Variants in KCNJ3 observed in about 807,000 individuals in gnomAD.
KCNJ3 encodes the protein potassium inwardly rectifying channel subfamily J member 3, also known as G protein-activated inward rectifier potassium channel 1.
Under a neutral mutation model 39.2 loss-of-function variants are expected in KCNJ3, and 4 were observed. The ratio of observed to expected loss-of-function variants is 0.10; its 90% CI spans 0.05 to 0.23. The LOEUF is 0.23. KCNJ3 is among the 10% of genes least tolerant of loss of function. The pLI, the probability that KCNJ3 is intolerant of heterozygous loss-of-function variation, is 1.00. For synonymous variants in KCNJ3, 230 were observed against 237.4 expected (o/e 0.97, Z 0.29); for missense variants, 276 against 634.9 (o/e 0.43, Z 6.08).
rs74740912 is a variant in KCNJ3 at position 154,763,507 on chromosome 2, G to C, written c.919+53688G>C. On this transcript the variant is annotated intron_variant, in intron 2 of 2. Transcript: ENST00000295101. Reference sequence around the variant, plus strand: ...TGTCACCATCGACCATCTATTCCGGGGACACAGAATGTGATAGGCTTTCTT... The same window carrying C: ...TGTCACCATCGACCATCTATTCCGGCGACACAGAATGTGATAGGCTTTCTT... Among the ~76,000 whole-genome samples, 54 of 152,104 alleles carry C rather than the reference G, an allele frequency of 3.6e-4. 1 individual carries two copies. In the East Asian group the frequency reaches 9.7e-3, roughly 27 times the overall value.
chr2:154,718,055 T>C (rs961507895), intron 2 of KCNJ3, among the ~76,000 whole-genome samples: 7 of 152,222 alleles, frequency 4.6e-5, no homozygotes, highest in Admixed American at 1.3e-4. Context: ...CCCAGATTGC[T>C]GATTCCTTTT....
At chr2:154,734,271 T>G (rs1433318021) in intron 2 of KCNJ3, among the ~76,000 whole-genome samples, 1 of 152,192 alleles carries the variant, frequency 6.6e-6, no homozygotes, top group Non-Finnish European at 1.5e-5. Flanking sequence ...ATAAGCTAAC[T>G]GCATTCTGGA....
chr2:154,749,301 T>A (rs1395470147), intron 2 of KCNJ3, among the ~76,000 whole-genome samples: 1 of 152,110 alleles, frequency 6.6e-6, no homozygotes, highest in South Asian at 2.1e-4. Context: ...TATGTGTATT[T>A]ATAGCAGGCT....
chr2:154,755,330 CTT>C (rs1465670587), intron 2 of KCNJ3, among the ~76,000 whole-genome samples: 2 of 151,616 alleles, frequency 1.3e-5, no homozygotes, highest in African/African-American at 4.8e-5. Flanking sequence ...ATTAATGAGT[CTT>C]TTTTATTAAA....
Position 154,716,887 on chromosome 2 carries a change from G to A in KCNJ3, c.919+7068G>A, listed in dbSNP as rs182866169. The stretch of plus-strand genomic sequence containing the variant: ...TCTTACAGGAAATTAATCAGTAAGT[G>A]TTTGTTGATTACCCATGTTATTTTA... On this transcript the variant is annotated intron_variant, in intron 2 of 2. Coordinates refer to ENST00000295101, the MANE Select transcript of KCNJ3 (RefSeq NM_002239.4). Among the ~76,000 whole-genome samples the A allele has an allele frequency of 5.9e-5, 9 of 152,284 alleles. 1 individual carries two copies. The highest frequency in any genetic ancestry group is 5.9e-4 in the Admixed American group (9 of 15,292).
chr2:154,838,126 A>G (rs1687501521), intron 2 of KCNJ3, among the ~76,000 whole-genome samples: 1 of 152,206 alleles, frequency 6.6e-6, no homozygotes, highest in African/African-American at 2.4e-5. Context: ...GACACATTCA[A>G]AAGACAAATT....
chr2:154,796,080 A>G (rs757509288), intron 2 of KCNJ3, among the ~76,000 whole-genome samples: 5 of 152,116 alleles, frequency 3.3e-5, no homozygotes, highest in Admixed American at 1.3e-4. Context: ...AACATGAGTG[A>G]TAGATTAAAA....
intron 2 of KCNJ3, among the ~76,000 whole-genome samples, chr2:154,772,028 C>T (rs1184870429): frequency 6.6e-6 from 1 of 152,138 alleles, no homozygotes; most frequent in African/African-American, 2.4e-5. Flanking sequence ...GGACATTTAA[C>T]TTCATGTGTG....
chr2:154,768,038 A>AT (rs1293402611), intron 2 of KCNJ3, among the ~76,000 whole-genome samples: 4 of 151,538 alleles, frequency 2.6e-5, no homozygotes, highest in East Asian at 3.9e-4. Flanking sequence ...GGGTTGTTTG[A>AT]TTTTTTCTTG....
intron 2 of KCNJ3, among the ~76,000 whole-genome samples, chr2:154,761,189 CTT>C (rs566783068): frequency 2.0e-5 from 3 of 147,462 alleles, no homozygotes; most frequent in African/African-American, 7.5e-5. Flanking sequence ...TTAACTTCAT[CTT>C]TTTTTTTGTT....
intron 2 of KCNJ3, among the ~76,000 whole-genome samples, chr2:154,760,498 T>G (rs1686017778): frequency 6.6e-6 from 1 of 152,058 alleles, no homozygotes; most frequent in South Asian, 2.1e-4. Flanking sequence ...CTTAATTACT[T>G]TGAGCAAATT....
At chr2:154,717,579 G>A (rs926406807) in intron 2 of KCNJ3, among the ~76,000 whole-genome samples, 1 of 152,060 alleles carries the variant, frequency 6.6e-6, no homozygotes, top group African/African-American at 2.4e-5. Flanking sequence ...AAATGGCCCA[G>A]GATTCTTCCT....
chr2:154,715,612 A>G (rs1287175291), intron 2 of KCNJ3, among the ~76,000 whole-genome samples: 1 of 152,254 alleles, frequency 6.6e-6, no homozygotes, highest in Non-Finnish European at 1.5e-5. Context: ...GCAAAATATA[A>G]AACTTTACTC....
intron 2 of KCNJ3, among the ~76,000 whole-genome samples, chr2:154,828,792 C>T (rs887248479): frequency 2.6e-5 from 4 of 152,092 alleles, no homozygotes; most frequent in Non-Finnish European, 4.4e-5. Flanking sequence ...AAATAAAGAA[C>T]TTTTGCTCTA....
intron 2 of KCNJ3, among the ~76,000 whole-genome samples, chr2:154,852,267 A>G (rs1196603606): frequency 6.6e-6 from 1 of 152,134 alleles, no homozygotes; most frequent in East Asian, 1.9e-4. Flanking sequence ...CCCTGTCTCT[A>G]CAAAGAAATA....
At chr2:154,720,007 C>T (rs1030360238) in intron 2 of KCNJ3, among the ~76,000 whole-genome samples, 1 of 152,006 alleles carries the variant, frequency 6.6e-6, no homozygotes, top group African/African-American at 2.4e-5. Flanking sequence ...TAGCAGTGAC[C>T]TTAGCACTCA....
intron 1 of KCNJ3, among the ~76,000 whole-genome samples, chr2:154,704,919 T>G (rs1405032474): frequency 1.3e-5 from 2 of 152,126 alleles, no homozygotes; most frequent in East Asian, 1.9e-4. Context: ...ATAAGTGAAA[T>G]TACAGATAAA....
At chr2:154,733,729 T>G (rs1438258868) in intron 2 of KCNJ3, among the ~76,000 whole-genome samples, 1 of 152,220 alleles carries the variant, frequency 6.6e-6, no homozygotes, top group Non-Finnish European at 1.5e-5. Context: ...CAGTGACTAT[T>G]CACCCCCATT....
chr2:154,712,958 A>G (rs1001284214), intron 2 of KCNJ3, among the ~76,000 whole-genome samples: 13 of 151,878 alleles, frequency 8.6e-5, no homozygotes, highest in African/African-American at 2.9e-4. Flanking sequence ...GCTGTGGAAC[A>G]GCTGGTGCAA....
Sources: gnomAD v4.1 joint callset for allele counts (sites outside exome capture counted in the v4.1 genomes callset) on GRCh38, gnomAD v4.1.1 for gene constraint, MANE v1.5 for transcripts, NCBI Gene and HGNC (gene_info 2026-07-23, HGNC 2026-07-21) for gene names.